The following RORA variants were observed in gnomAD, a reference collection of about 807,000 sequenced individuals.
RORA encodes nuclear receptor ROR-alpha.
Under a neutral mutation model 69.5 loss-of-function variants are expected in RORA, and 7 were observed. The observed-to-expected ratio is 0.10, with a 90% CI of 0.06 to 0.19. The LOEUF is 0.19. Among genes scored for constraint, RORA ranks in the 10% least tolerant of loss-of-function variants. The probability of loss-of-function intolerance (pLI) is 1.00; values close to 1 mark genes in which losing one functional copy is unlikely to be tolerated. For missense variants in RORA, 457 were observed against 663.0 expected, an observed-to-expected ratio of 0.69 and a Z score of 3.41; for synonymous variants, 261 against 240.8, an observed-to-expected ratio of 1.08 and a Z score of -0.78.
chr15:61,081,247 C>T (rs1285393995), intron 1 of RORA, among the ~76,000 whole-genome samples: 2 of 152,214 alleles, frequency 1.3e-5, no homozygotes, highest in South Asian at 2.1e-4. Flanking sequence ...GCTTCTCTGA[C>T]TACATGAAAA....
chr15:60,924,905 C>T (rs1892162867), intron 1 of RORA, among the ~76,000 whole-genome samples: 2 of 151,852 alleles, frequency 1.3e-5, no homozygotes, highest in South Asian at 4.2e-4. Flanking sequence ...GTGGTGAAAC[C>T]CCATCTCTAC....
chr15:60,647,453 G>A (rs188036393), intron 2 of RORA, among the ~76,000 whole-genome samples: 17 of 152,316 alleles, frequency 1.1e-4, no homozygotes, highest in East Asian at 5.8e-4. Flanking sequence ...TTCAGCCAGC[G>A]TTTTGATCAC....
chr15:60,896,449 C>G (rs1001443935), intron 1 of RORA, among the ~76,000 whole-genome samples: 6 of 152,196 alleles, frequency 3.9e-5, no homozygotes, highest in African/African-American at 1.4e-4. Flanking sequence ...ATCCATTTGT[C>G]AGACATAAAT....
At chr15:61,153,771 CAAT>C (rs2079418243) in intron 1 of RORA, among the ~76,000 whole-genome samples, 1 of 34,062 alleles carries the variant, frequency 2.9e-5, no homozygotes, top group Admixed American at 1.8e-4. Context: ...GTTTCATGCA[CAAT>C]TGCTAAGAAC....
intron 2 of RORA, among the ~76,000 whole-genome samples, chr15:60,536,843 ATC>A (rs962593670): frequency 2.6e-5 from 4 of 151,128 alleles, no homozygotes; most frequent in African/African-American, 9.9e-5. Flanking sequence ...TAAAAAGCCT[ATC>A]TATCTTTTAC....
At chr15:61,049,104 A>C (rs1437550) in intron 1 of RORA, among the ~76,000 whole-genome samples, 27,577 of 152,118 alleles carry the variant, frequency 0.18, 2,783 homozygotes, top group African/African-American at 0.27. Flanking sequence ...GAAATGCTGG[A>C]GGCTCAGTGT....
rs117132864 is a variant in RORA at position 60,827,586 on chromosome 15, G to A, written c.167-148900C>T. On this transcript the variant is annotated intron_variant, in intron 1 of 10. Transcript: ENST00000335670. ...CATGGCCAGGCTTCCAAGGGAAACT[G>A]TGTTCAGACAACCAGCTTGGAAGGC... 1.9e-3 allele frequency among the ~76,000 whole-genome samples: 285 copies of A among 152,352 alleles called. 1 individual carries two copies. The highest frequency in any genetic ancestry group is 3.0e-3 in the Non-Finnish European group (205 of 68,026).
chr15:60,815,942 G>A (rs150289293), intron 1 of RORA, among the ~76,000 whole-genome samples: 1,323 of 126,572 alleles, frequency 0.01, 10 homozygotes, highest in Admixed American at 0.02. Context: ...TATAAATAGT[G>A]TATATATACT....
intron 1 of RORA, among the ~76,000 whole-genome samples, chr15:60,737,895 C>A (rs150654618): frequency 6.6e-6 from 1 of 152,206 alleles, no homozygotes; most frequent in Non-Finnish European, 1.5e-5. Context: ...CTAGCAGAGA[C>A]TTCGGTGACA....
At chr15:61,014,517 CCT>C (rs1895212808) in intron 1 of RORA, among the ~76,000 whole-genome samples, 1 of 152,116 alleles carries the variant, frequency 6.6e-6, no homozygotes, top group Non-Finnish European at 1.5e-5. Flanking sequence ...GACTTCTATT[CCT>C]GTCTTCTAAG....
intron 2 of RORA, among the ~76,000 whole-genome samples, chr15:60,613,046 AGTGTAGGTGAAG>A (rs1387634920): frequency 6.6e-6 from 1 of 151,708 alleles, no homozygotes; most frequent in African/African-American, 2.4e-5. Context: ...TTCTATTTAA[AGTGTAGGTGAAG>A]GTGATTATAT....
intron 1 of RORA, among the ~76,000 whole-genome samples, chr15:60,811,280 A>C (rs1260357962): frequency 1.3e-5 from 2 of 152,228 alleles, no homozygotes; most frequent in African/African-American, 4.8e-5. Flanking sequence ...ATTTTCAGAG[A>C]TACCTGGTGC....
intron 1 of RORA, among the ~76,000 whole-genome samples, chr15:60,990,460 T>C (rs1566935536): frequency 6.6e-6 from 1 of 152,192 alleles, no homozygotes; most frequent in Non-Finnish European, 1.5e-5. Context: ...AAGTAAAATG[T>C]AATCAGAAAT....
chr15:61,098,971 G>A (rs981525275), intron 1 of RORA, among the ~76,000 whole-genome samples: 5 of 152,174 alleles, frequency 3.3e-5, no homozygotes, highest in African/African-American at 7.2e-5. Context: ...GGCAACGTAC[G>A]CTTCAGTGAA....
At chr15:61,090,111 G>T (rs1183198023) in intron 1 of RORA, among the ~76,000 whole-genome samples, 1 of 152,256 alleles carries the variant, frequency 6.6e-6, no homozygotes. Context: ...AGTAAGCAGA[G>T]AAGGATGCAA....
chr15:60,549,606 C>T (rs1242013094), intron 2 of RORA, among the ~76,000 whole-genome samples: 1 of 152,096 alleles, frequency 6.6e-6, no homozygotes, highest in African/African-American at 2.4e-5. Flanking sequence ...AAGGTAAATT[C>T]TCACAGAAAG....
chr15:60,708,830 G>T (rs2071104251), intron 1 of RORA, among the ~76,000 whole-genome samples: 1 of 152,194 alleles, frequency 6.6e-6, no homozygotes, highest in Non-Finnish European at 1.5e-5. Context: ...AAGTGAATCA[G>T]ATCTATTCCC....
At chr15:60,608,949 C>T (rs913830041) in intron 2 of RORA, among the ~76,000 whole-genome samples, 3 of 152,198 alleles carry the variant, frequency 2.0e-5, no homozygotes, top group Admixed American at 2.0e-4. Context: ...GAGAAACACA[C>T]ACAGTTTACA....
chr15:61,224,718 T>A (rs1163330039), intron 1 of RORA, among the ~76,000 whole-genome samples: 1 of 152,208 alleles, frequency 6.6e-6, no homozygotes, highest in Non-Finnish European at 1.5e-5. Context: ...CCAAAAGTGA[T>A]TCAGCTGTCA....
Sources: gnomAD v4.1 joint callset for allele counts (sites outside exome capture counted in the v4.1 genomes callset) on GRCh38, gnomAD v4.1.1 for gene constraint, MANE v1.5 for transcripts, NCBI Gene and HGNC (gene_info 2026-07-23, HGNC 2026-07-21) for gene names.